RBM19: variants seen among roughly 807,000 people sequenced by gnomAD.
The protein encoded by RBM19 is probable RNA-binding protein 19.
RBM19 carries 94 observed loss-of-function variants against 116.8 expected under a neutral mutation model. That is an observed-to-expected ratio of 0.80 (90% CI 0.68 to 0.95). RBM19 has a LOEUF of 0.95. Among genes scored for constraint, RBM19 ranks in the 40% least tolerant of loss-of-function variants. The pLI, the probability that RBM19 is intolerant of heterozygous loss-of-function variation, is 0.00. For missense variants in RBM19, 1,161 were observed against 1,220.7 expected, an observed-to-expected ratio of 0.95 and a Z score of 0.73; for synonymous variants, 475 against 494.1, an observed-to-expected ratio of 0.96 and a Z score of 0.51.
intron 21 of RBM19, among the ~76,000 whole-genome samples, chr12:113,909,366 C>T (rs2135842327): frequency 6.6e-6 from 1 of 150,660 alleles, no homozygotes; most frequent in Admixed American, 6.6e-5. Context: ...AAGGATCCTC[C>T]TGCTTTGGCC....
intron 2 of RBM19, 144 bp downstream of exon 2, chr12:113,962,088 C>T: frequency 1.0e-6 from 1 of 1,001,894 alleles, no homozygotes; most frequent in South Asian, 1.6e-5. Flanking sequence ...TTTGTATGCA[C>T]ATGAAAGTGT....
At chr12:113,849,793 T>C (rs553767156) in intron 22 of RBM19, among the ~76,000 whole-genome samples, 1 of 152,330 alleles carries the variant, frequency 6.6e-6, no homozygotes, top group East Asian at 1.9e-4. Context: ...CCTGCCATCA[T>C]TGATGGCCAG....
At chr12:113,913,401 C>T (rs561634902) in intron 21 of RBM19, among the ~76,000 whole-genome samples, 4 of 152,256 alleles carry the variant, frequency 2.6e-5, no homozygotes, top group Admixed American at 1.3e-4. Flanking sequence ...GACCCCATCT[C>T]GCCAGGCTAT....
At chr12:113,963,419 C>T (rs910816600) in intron 1 of RBM19, among the ~76,000 whole-genome samples, 1 of 152,110 alleles carries the variant, frequency 6.6e-6, no homozygotes, top group African/African-American at 2.4e-5. Context: ...CAGGGCCCCA[C>T]GAACAGCCAA....
At chr12:113,916,764 C>T (rs7307365) in intron 20 of RBM19, among the ~76,000 whole-genome samples, 55,259 of 152,056 alleles carry the variant, frequency 0.36, 10,559 homozygotes, top group South Asian at 0.51. Flanking sequence ...ATCTTAATGA[C>T]AGATCTACCA....
chr12:113,926,184 A>G (rs1406250770), intron 17 of RBM19, among the ~76,000 whole-genome samples: 1 of 152,010 alleles, frequency 6.6e-6, no homozygotes. Context: ...TTGCCTCCAT[A>G]TCTTCTGCCC....
chr12:113,929,811 G>A (rs1041533593), intron 16 of RBM19, among the ~76,000 whole-genome samples: 1 of 152,166 alleles, frequency 6.6e-6, no homozygotes, highest in Non-Finnish European at 1.5e-5. Flanking sequence ...AGAAAACAGG[G>A]GGCCCAAGGA....
At position 113,920,716 on chromosome 12, in the gene RBM19, C is replaced by T. The variant is rs199568921; in HGVS notation, c.2306-26G>A. ...CTGAGAGAGAGAGGTGGAAATCACA[C>T]CAGTCGGTGAAGCGGAAGCACAAGG... On this transcript the variant is annotated intron_variant, in intron 18 of 23. Coordinates refer to ENST00000261741, the MANE Select transcript of RBM19 (RefSeq NM_016196.4). 15 of 1,602,108 alleles carry T rather than the reference C, an allele frequency of 9.4e-6. No homozygotes were observed. The Admixed American group carries it at 1.8e-4, about 20-fold the overall frequency.
chr12:113,827,844 A>C (rs1489954062), intron 23 of RBM19, among the ~76,000 whole-genome samples: 1 of 151,700 alleles, frequency 6.6e-6, no homozygotes, highest in Non-Finnish European at 1.5e-5. Context: ...AAGTTGCTTC[A>C]CCTCTCTGGG....
At chr12:113,942,237 C>A (rs1870633953) in intron 14 of RBM19, 87 bp downstream of exon 14, 2 of 1,135,736 alleles carry the variant, frequency 1.8e-6, no homozygotes, top group African/African-American at 3.1e-5. Context: ...AAGGCCAGAT[C>A]CTTAAATCCA....
intron 21 of RBM19, among the ~76,000 whole-genome samples, chr12:113,888,608 C>A (rs1435787255): frequency 1.3e-5 from 2 of 152,038 alleles, no homozygotes; most frequent in South Asian, 4.2e-4. Context: ...CATCAGTTCC[C>A]CCATTCAACA....
At chr12:113,874,650 C>T (rs114397614) in intron 21 of RBM19, among the ~76,000 whole-genome samples, 2,892 of 152,300 alleles carry the variant, frequency 0.019, 100 homozygotes, top group African/African-American at 0.065. Flanking sequence ...AGCCCGCCAG[C>T]CACTGGGAAA....
At chr12:113,936,315 C>T (rs1367645811) in intron 16 of RBM19, among the ~76,000 whole-genome samples, 2 of 152,182 alleles carry the variant, frequency 1.3e-5, no homozygotes, top group Non-Finnish European at 2.9e-5. Flanking sequence ...AAGATGTGGT[C>T]ATGGTCCTTA....
At chr12:113,821,442 A>T (rs913161778), downstream of RBM19, among the ~76,000 whole-genome samples, 1 of 152,142 alleles carries the variant, frequency 6.6e-6, no homozygotes, top group Non-Finnish European at 1.5e-5. Context: ...CAGCTCACAG[A>T]TCTGAGCAGT....
chr12:113,911,788 C>T (rs1044332799), intron 21 of RBM19, among the ~76,000 whole-genome samples: 7 of 152,134 alleles, frequency 4.6e-5, no homozygotes, highest in African/African-American at 1.4e-4. Context: ...GGCACTGCAG[C>T]GCACGGGGCC....
At chr12:113,844,889 C>A in intron 22 of RBM19, 101 bp from the exon 23 acceptor site, 1 of 1,457,876 alleles carries the variant, frequency 6.9e-7, no homozygotes, top group Non-Finnish European at 9.1e-7. Context: ...GATGCCAAAG[C>A]CCAGGTTCTG....
intron 21 of RBM19, among the ~76,000 whole-genome samples, chr12:113,891,378 CAA>C (rs1880953825): frequency 6.6e-6 from 1 of 152,178 alleles, no homozygotes; most frequent in Non-Finnish European, 1.5e-5. Context: ...CCAGGGAGTA[CAA>C]AGAGTGTGGT....
chr12:113,837,246 T>TACACACACACACAC (rs34948952), intron 23 of RBM19, among the ~76,000 whole-genome samples: 7,824 of 126,690 alleles, frequency 0.062, 407 homozygotes, highest in African/African-American at 0.11. Flanking sequence ...ATCCTCCTAA[T>TACACACACACACAC]ACACACACAC....
rs371473986 is a variant in RBM19, at chr12:113,860,135, C to T, written c.2559-1239G>A. 1.2e-4 allele frequency among the ~76,000 whole-genome samples: 19 copies of T among 152,322 alleles called. No homozygotes were observed. The East Asian group carries it at 2.5e-3, about 20-fold the overall frequency. On this transcript the variant is annotated intron_variant, in intron 21 of 23. Transcript: ENST00000261741. ...CCTCCTCTGTGCAGGCAACGAGAAA[C>T]GGCAGAGAGGCACTGGTGACAAGGC... is the stretch of plus-strand genomic sequence containing the variant.
Sources: allele counts gnomAD v4.1 joint callset (sites outside exome capture counted in the v4.1 genomes callset), GRCh38; gene constraint gnomAD v4.1.1; transcripts MANE v1.5; gene names NCBI Gene and HGNC (gene_info 2026-07-23, HGNC 2026-07-21).